The following DYNC2H1 variants were observed in gnomAD, a reference collection of about 807,000 sequenced individuals.
DYNC2H1 encodes the protein dynein cytoplasmic 2 heavy chain 1, also known as cytoplasmic dynein 2 heavy chain 1.
A neutral mutation model predicts 570.0 loss-of-function variants in DYNC2H1; 410 were observed. The observed-to-expected ratio is 0.72, with a 90% CI of 0.66 to 0.78. DYNC2H1 has a LOEUF of 0.78. DYNC2H1 is among the 30% of genes least tolerant of loss of function. The pLI is 0.00. For missense variants in DYNC2H1, 4,865 were observed against 5,046.4 expected (o/e 0.96, Z 1.09); for synonymous variants, 1,688 against 1,677.6 (o/e 1.01, Z -0.15).
At position 103,334,598 on chromosome 11, in the gene DYNC2H1, A is replaced by G. The variant is rs1266312509; in HGVS notation, c.12039+10608A>G. The stretch of plus-strand genomic sequence containing the variant: ...AGTTCAGTATTGGTATCTAATATGT[A>G]ACATCAATATAAATAACATATAAAT... On this transcript the variant is annotated intron_variant, in intron 82 of 88. Transcript: ENST00000375735. The surrounding 1 kb of genome is among the most constrained non-coding windows in gnomAD (Gnocchi z 4.3). 6.6e-6 allele frequency among the ~76,000 whole-genome samples: 1 copy of G among 152,112 alleles called. No individual in the cohort carries two copies. Among genetic ancestry groups the G allele is most frequent in the Non-Finnish European group, 1.5e-5 (1 of 67,964 alleles).
chr11:103,263,044 A>AAAAC (rs1865370855), intron 70 of DYNC2H1, among the ~76,000 whole-genome samples: 1 of 149,072 alleles, frequency 6.7e-6, no homozygotes, highest in African/African-American at 2.5e-5. Flanking sequence ...AAAAAAAAAA[A>AAAAC]AAGCAGGGTT....
chr11:103,198,130 A>G, intron 48 of DYNC2H1, 67 bp downstream of exon 48: 2 of 1,482,778 alleles, frequency 1.3e-6, no homozygotes, highest in African/African-American at 2.8e-5. Flanking sequence ...TATTTATTGT[A>G]AATATTTAGA....
chr11:103,386,597 C>A (rs1941884896), intron 83 of DYNC2H1, among the ~76,000 whole-genome samples: 1 of 151,960 alleles, frequency 6.6e-6, no homozygotes, highest in Non-Finnish European at 1.5e-5. Flanking sequence ...TGTGCTGCAC[C>A]CATTAACTCA....
chr11:103,351,558 T>G (rs7935444), intron 82 of DYNC2H1, among the ~76,000 whole-genome samples: 10,460 of 152,264 alleles, frequency 0.069, 370 homozygotes, highest in Non-Finnish European at 0.077. Context: ...TTGATGAATT[T>G]TATTGTCCGT....
intron 34 of DYNC2H1, 60 bp downstream of exon 34, chr11:103,171,128 A>G: frequency 7.7e-7 from 1 of 1,302,100 alleles, no homozygotes; most frequent in Non-Finnish European, 1.0e-6. Flanking sequence ...GATATTACTC[A>G]TACTTAAGCA....
chr11:103,437,919 C>T (rs548081541), intron 85 of DYNC2H1, among the ~76,000 whole-genome samples: 1 of 152,014 alleles, frequency 6.6e-6, no homozygotes, highest in Admixed American at 6.6e-5. Context: ...AACAATTTTA[C>T]ATGAATTATT....
chr11:103,425,395 G>A (rs622930), intron 84 of DYNC2H1, among the ~76,000 whole-genome samples: 84,249 of 151,802 alleles, frequency 0.55, 24,000 homozygotes, highest in East Asian at 0.72. Context: ...ATTGCAGGCA[G>A]CCAACTTTTC....
chr11:103,222,871 G>A, intron 58 of DYNC2H1, 94 bp from the exon 59 acceptor site: 12 of 1,515,712 alleles, frequency 7.9e-6, no homozygotes, highest in Non-Finnish European at 1.1e-5. Flanking sequence ...TTTGGGTCAA[G>A]TTAATAAGTG....
Position 103,197,934 on chromosome 11 carries a change from T to C in DYNC2H1, c.7710T>C (p.Asp2570=). Residue 2570 remains aspartate (D), a splice_region_variant and synonymous_variant, in exon 48 of 89, where the codon GAT becomes GAC. Coordinates refer to ENST00000375735, the MANE Select transcript of DYNC2H1 (RefSeq NM_001377.3). ...WGSDILDNMS[D]SFYVTWGARH... ...CAAAAATATCATTTATTTCCACAGATAGTTTCTACGTTACATGGGGAGCTC... is the reference window on the plus strand; with the variant it reads ...CAAAAATATCATTTATTTCCACAGACAGTTTCTACGTTACATGGGGAGCTC... 6.4e-7 allele frequency: 1 copy of C among 1,567,520 alleles called. No homozygotes were observed. The highest frequency in any genetic ancestry group is 8.7e-7 in the Non-Finnish European group (1 of 1,155,374).
chr11:103,247,291 G>A (rs1374592292), intron 65 of DYNC2H1, among the ~76,000 whole-genome samples: 1 of 152,032 alleles, frequency 6.6e-6, no homozygotes, highest in East Asian at 1.9e-4. Flanking sequence ...AACATTTGTG[G>A]TTGATTCTTT....
intron 47 of DYNC2H1, among the ~76,000 whole-genome samples, chr11:103,197,138 T>C (rs1862534844): frequency 6.6e-6 from 1 of 152,168 alleles, no homozygotes. Context: ...GTCAGTTTTT[T>C]TTTTAAACAT....
At chr11:103,309,239 A>G (rs1867456865) in intron 78 of DYNC2H1, among the ~76,000 whole-genome samples, 1 of 128,014 alleles carries the variant, frequency 7.8e-6, no homozygotes, top group South Asian at 2.5e-4. Context: ...CAGTGATGCT[A>G]TCACAGCTCA....
At chr11:103,293,409 A>G (rs1157635672) in intron 75 of DYNC2H1, among the ~76,000 whole-genome samples, 1 of 152,132 alleles carries the variant, frequency 6.6e-6, no homozygotes, top group Non-Finnish European at 1.5e-5. Context: ...TTATTTAGAT[A>G]GAATCTGTTA....
intron 83 of DYNC2H1, among the ~76,000 whole-genome samples, chr11:103,389,525 C>A (rs1455665205): frequency 6.6e-6 from 1 of 152,082 alleles, no homozygotes; most frequent in Non-Finnish European, 1.5e-5. Flanking sequence ...TTAGTTATTT[C>A]TTGCTTTCAG....
At chr11:103,440,632 C>G (rs1010764470) in intron 85 of DYNC2H1, among the ~76,000 whole-genome samples, 4 of 152,230 alleles carry the variant, frequency 2.6e-5, no homozygotes, top group Middle Eastern at 3.4e-3. Flanking sequence ...TAAAGCTTAT[C>G]AGGAAAATAG....
chr11:103,202,844 TGA>T (rs1862778053), intron 50 of DYNC2H1, among the ~76,000 whole-genome samples: 1 of 152,192 alleles, frequency 6.6e-6, no homozygotes, highest in Non-Finnish European at 1.5e-5. Flanking sequence ...TTTGTAGAAG[TGA>T]ACAAGATGTG....
intron 82 of DYNC2H1, among the ~76,000 whole-genome samples, chr11:103,342,278 A>G (rs1939484856): frequency 6.6e-6 from 1 of 152,150 alleles, no homozygotes; most frequent in Non-Finnish European, 1.5e-5. Flanking sequence ...AAATGGACCA[A>G]TCAGCACCCT....
At chr11:103,153,606 C>G in intron 22 of DYNC2H1, 98 bp downstream of exon 22, 1 of 1,078,130 alleles carries the variant, frequency 9.3e-7, no homozygotes. Flanking sequence ...GATAACTTTC[C>G]TCATAAACTT....
chr11:103,185,522 G>A lies in DYNC2H1; in HGVS notation c.6633+471G>A, dbSNP rs114809270. Among the ~76,000 whole-genome samples the A allele has an allele frequency of 0.015, 2,320 of 151,940 alleles. 58 individuals carry two copies. The highest frequency in any genetic ancestry group is 0.052 in the African/African-American group (2,146 of 41,492). On this transcript the variant is annotated intron_variant, in intron 41 of 88. Transcript: ENST00000375735. The surrounding 1 kb of genome is among the most constrained non-coding windows in gnomAD (Gnocchi z 4.5). ...TATAAAGCTGAATTCTAAATAATAA[G>A]TGATTTTTTTTCCAATTGACCTCTA...
Sources: gnomAD v4.1 joint callset for allele counts (sites outside exome capture counted in the v4.1 genomes callset) on GRCh38, gnomAD v4.1.1 for gene constraint, Gnocchi (gnomAD v3.1) non-coding constraint, MANE v1.5 for transcripts, NCBI Gene and HGNC (gene_info 2026-07-23, HGNC 2026-07-21) for gene names.